BDP1: variants seen among roughly 807,000 people sequenced by gnomAD.
BDP1 encodes transcription factor TFIIIB component B'' homolog.
In BDP1, 169 loss-of-function variants were observed where a neutral mutation model predicts 266.6. That is an observed-to-expected ratio of 0.63 (90% CI 0.56 to 0.72). BDP1 has a LOEUF of 0.72. Ranked by LOEUF, BDP1 falls within the 30% of genes least tolerant of loss-of-function variation. BDP1 has a pLI of 0.00. For synonymous variants in BDP1, 1,090 were observed against 1,022.4 expected, an observed-to-expected ratio of 1.07 and a Z score of -1.26; for missense variants, 3,015 against 3,053.8, an observed-to-expected ratio of 0.99 and a Z score of 0.30.
At chr5:71,457,101 GTT>G (rs200067584) in intron 1 of BDP1, among the ~76,000 whole-genome samples, 3,798 of 152,224 alleles carry the variant, frequency 0.025, 72 homozygotes, top group South Asian at 0.073. Context: ...ACTAGTCGCT[GTT>G]ACATTAATAA....
intron 12 of BDP1, among the ~76,000 whole-genome samples, chr5:71,497,024 G>A (rs1421983287): frequency 6.6e-6 from 1 of 152,032 alleles, no homozygotes; most frequent in Admixed American, 6.6e-5. Context: ...GTTATTTTCT[G>A]GATTTTAAAT....
intron 7 of BDP1, among the ~76,000 whole-genome samples, chr5:71,478,512 G>T (rs1196421875): frequency 1.3e-5 from 2 of 151,966 alleles, no homozygotes; most frequent in Non-Finnish European, 2.9e-5. Flanking sequence ...GATATATTTT[G>T]CCAGTTTGAC....
At chr5:71,488,027 A>G (rs907242347) in intron 9 of BDP1, among the ~76,000 whole-genome samples, 2 of 152,156 alleles carry the variant, frequency 1.3e-5, no homozygotes, top group Non-Finnish European at 2.9e-5. Flanking sequence ...CTTTATTCTT[A>G]GTAGTCTTTT....
intron 4 of BDP1, among the ~76,000 whole-genome samples, chr5:71,464,907 C>T (rs958411525): frequency 2.6e-5 from 4 of 151,364 alleles, no homozygotes; most frequent in East Asian, 1.9e-4. Context: ...TTAGTAGAGA[C>T]GGGGTTTTAC....
chr5:71,501,374 A>G (rs907156594), intron 13 of BDP1, among the ~76,000 whole-genome samples, 188 bp from the exon 14 acceptor site: 7 of 152,032 alleles, frequency 4.6e-5, no homozygotes, highest in Non-Finnish European at 1.0e-4. Context: ...CAGTTTCACC[A>G]TGTTCCCCAG....
chr5:71,528,081 A>G (rs1028184545), intron 25 of BDP1, among the ~76,000 whole-genome samples: 1 of 152,170 alleles, frequency 6.6e-6, no homozygotes, highest in Non-Finnish European at 1.5e-5. Flanking sequence ...TGGGCCTCCC[A>G]AAGTGCTGGG....
chr5:71,568,499 C>T (rs557254023), downstream of BDP1, among the ~76,000 whole-genome samples: 16 of 152,278 alleles, frequency 1.1e-4, no homozygotes, highest in Middle Eastern at 3.4e-3. Flanking sequence ...GATGGGGTTT[C>T]GCTTTGTTGC....
chr5:71,500,211 A>G (rs536801604), intron 13 of BDP1, among the ~76,000 whole-genome samples: 1 of 151,952 alleles, frequency 6.6e-6, no homozygotes, highest in East Asian at 1.9e-4. Context: ...TGTTTATTGA[A>G]TTGTAGAAAA....
chr5:71,480,229 G>C (rs577275198), intron 7 of BDP1, among the ~76,000 whole-genome samples: 1 of 149,598 alleles, frequency 6.7e-6, no homozygotes, highest in South Asian at 2.1e-4. Context: ...TCCTGCCTCA[G>C]CTTCCCAAGT....
At chr5:71,577,726 C>T in the BDP1 span, among the ~76,000 whole-genome samples, 1 of 151,928 alleles carries the variant, frequency 6.6e-6, no homozygotes, top group African/African-American at 2.4e-5. Flanking sequence ...TCCAGCAAGG[C>T]CTGGAGAGCG....
chr5:71,560,062 G>C lies in BDP1; in HGVS notation c.7321G>C (p.Glu2441Gln), dbSNP rs1228304671. The change falls in exon 37 of 39, where the codon GAA becomes CAA. Residue 2441 changes from glutamate to glutamine, a missense_variant. Coordinates refer to ENST00000358731, the MANE Select transcript of BDP1 (RefSeq NM_018429.3). Reference protein sequence around the residue: ...TTPEPQRQQVEAAFQSRGSRS... With the variant: ...TTPEPQRQQVQAAFQSRGSRS... ...TCCAGAACCTCAAAGACAGCAAGTT[G>C]AAGCAGCTTTTCAGAGTAGAGGATC... is the stretch of plus-strand genomic sequence containing the variant. The C allele has an allele frequency of 6.2e-7, 1 of 1,614,004 alleles. No homozygotes were observed. Among genetic ancestry groups the C allele is most frequent in the African/African-American group, 1.3e-5 (1 of 75,034 alleles).
At chr5:71,544,947 TTGAATTAGA>T in intron 31 of BDP1, 83 bp from the exon 32 acceptor site, 1 of 1,019,350 alleles carries the variant, frequency 9.8e-7, no homozygotes, top group Non-Finnish European at 1.5e-6. Context: ...TTGAAAACCA[TTGAATTAGA>T]TGATCTTTTA....
In BDP1 at chr5:71,495,262, T is replaced by A; in HGVS notation, c.1653T>A (p.Asp551Glu). The A allele has an allele frequency of 6.4e-7, 1 of 1,562,722 alleles. No individual in the cohort carries two copies. Among genetic ancestry groups the A allele is most frequent in the Non-Finnish European group, 8.7e-7 (1 of 1,154,364 alleles). ...DPILSLSNQQ[D>E]ATSVATESSE... ...TTCTTTTTTTTAGTAATCAACAAGA[T>A]GCCACATCAGTAGCAACTGAGTCTT... is the stretch of plus-strand genomic sequence containing the variant. Residue 551 changes from aspartate (D) to glutamate (E), a missense_variant, in exon 12 of 39, where the codon GAT (aspartate) becomes GAA (glutamate). Asp to Glu is a conservative substitution (Grantham distance 45). Transcript: ENST00000358731.
rs184549533 is a variant in BDP1 at position 71,465,218 on chromosome 5, T to C, written c.660-878T>C. 8.3e-4 allele frequency among the ~76,000 whole-genome samples: 126 copies of C among 152,168 alleles called. 1 individual carries two copies. Among genetic ancestry groups the C allele is most frequent in the Admixed American group, 7.5e-3 (115 of 15,272 alleles). On this transcript the variant is annotated intron_variant, in intron 4 of 38. Transcript: ENST00000358731. ...GCATGAAAATACTAACCCTGAAGGA[T>C]TGTACTGAAAAGTTAATCAAATAAT...
intron 15 of BDP1, among the ~76,000 whole-genome samples, chr5:71,503,051 C>G (rs1201879299): frequency 1.5e-5 from 2 of 132,542 alleles, no homozygotes; most frequent in Non-Finnish European, 3.1e-5. Context: ...GGCGACAGAG[C>G]AAGACTCTGT....
At chr5:71,558,301 C>T (rs1003773045) in intron 36 of BDP1, among the ~76,000 whole-genome samples, 17 of 152,064 alleles carry the variant, frequency 1.1e-4, no homozygotes, top group African/African-American at 4.1e-4. Context: ...TTTGGGAGGC[C>T]GAGGTGAGTG....
chr5:71,516,029 C>T (rs937159044), intron 20 of BDP1, 32 bp from the exon 21 acceptor site: 7 of 1,511,150 alleles, frequency 4.6e-6, no homozygotes, highest in African/African-American at 1.4e-5. Flanking sequence ...TACAGTCAAG[C>T]GCCCTGCCTT....
Position 71,458,757 on chromosome 5 carries a change from A to G in BDP1, c.391A>G (p.Thr131Ala), listed in dbSNP as rs1761356241. Reference protein sequence around the residue: ...INQEAPQPTATSTKEKQPCSD... With the variant: ...INQEAPQPTAASTKEKQPCSD... ...TCAAGAGGCTCCACAGCCAACTGCCACTTCAACAAAAGAGAAACAGCCATG... is the reference window on the plus strand; with the variant it reads ...TCAAGAGGCTCCACAGCCAACTGCCGCTTCAACAAAAGAGAAACAGCCATG... Residue 131 changes from threonine to alanine, a missense_variant, in exon 2 of 39, where the codon ACT (threonine) becomes GCT (alanine). Physicochemically the swap from Thr to Ala is moderately conservative, Grantham distance 58. Transcript: ENST00000358731. 1.9e-6 allele frequency: 3 copies of G among 1,614,002 alleles called. No homozygotes were observed. The highest frequency in any genetic ancestry group is 2.5e-6 in the Non-Finnish European group (3 of 1,179,974).
intron 37 of BDP1, 56 bp downstream of exon 37, chr5:71,560,293 C>CTGT: frequency 6.5e-7 from 1 of 1,532,568 alleles, no homozygotes; most frequent in Non-Finnish European, 8.9e-7. Flanking sequence ...TAAATATAAC[C>CTGT]TATACAGAAC....
Sources: gnomAD v4.1 joint callset for allele counts (sites outside exome capture counted in the v4.1 genomes callset) on GRCh38, gnomAD v4.1.1 for gene constraint, MANE v1.5 for transcripts, NCBI Gene and HGNC (gene_info 2026-07-23, HGNC 2026-07-21) for gene names.